Variants in KIAA1958 observed in about 807,000 individuals in gnomAD.
KIAA1958 encodes the protein KIAA1958, also known as uncharacterized protein KIAA1958.
Under a neutral mutation model 47.2 loss-of-function variants are expected in KIAA1958, and 14 were observed. The observed-to-expected ratio is 0.30, with a 90% CI of 0.20 to 0.46. The LOEUF is 0.46. Ranked by LOEUF, KIAA1958 falls within the 20% of genes least tolerant of loss-of-function variation. The pLI is 1.00. For missense variants in KIAA1958, 803 were observed against 909.2 expected (o/e 0.88, Z 1.50); for synonymous variants, 354 against 353.3 (o/e 1.00, Z -0.02).
In KIAA1958 at chr9:112,574,323, C is replaced by A. The variant is rs1288105929; in HGVS notation, c.243C>A (p.Asn81Lys). ...GTTTCCAGGATAACAGAAGTTTTAA[C>A]TCTGATAGTCCCAGTATAATCGGGG... is the stretch of plus-strand genomic sequence containing the variant. ...RVCFQDNRSF[N>K]SDSPSIIGVP... The change falls in exon 2 of 4, where the codon AAC becomes AAA. Residue 81 changes from asparagine to lysine, a missense_variant. By Grantham distance (94) the Asn-to-Lys change is moderately conservative. Transcript: ENST00000337530. The A allele has an allele frequency of 6.2e-7, 1 of 1,614,166 alleles. No homozygotes were observed. Among genetic ancestry groups the A allele is most frequent in the Non-Finnish European group, 8.5e-7 (1 of 1,180,022 alleles).
At chr9:112,558,181 C>T (rs1369141058) in intron 1 of KIAA1958, among the ~76,000 whole-genome samples, 1 of 151,752 alleles carries the variant, frequency 6.6e-6, no homozygotes, top group East Asian at 1.9e-4. Flanking sequence ...ACCGAGATCG[C>T]GCCACTGCAC....
chr9:112,658,579 A>G (rs1242623081), intron 3 of KIAA1958, among the ~76,000 whole-genome samples: 1 of 152,154 alleles, frequency 6.6e-6, no homozygotes, highest in Non-Finnish European at 1.5e-5. Flanking sequence ...GTTCACTACT[A>G]TTTACACACC....
intron 1 of KIAA1958, among the ~76,000 whole-genome samples, chr9:112,536,654 A>G (rs981083225): frequency 6.6e-6 from 1 of 152,148 alleles, no homozygotes; most frequent in Non-Finnish European, 1.5e-5. Context: ...GTGGTGGTGC[A>G]TGTCTGTAGT....
chr9:112,592,790 T>C (rs1364857509), intron 2 of KIAA1958, among the ~76,000 whole-genome samples: 5 of 152,198 alleles, frequency 3.3e-5, no homozygotes, highest in Non-Finnish European at 7.3e-5. Context: ...TAATTGGATC[T>C]GAGTAGCAGC....
At chr9:112,523,650 G>A (rs1204358603) in intron 1 of KIAA1958, among the ~76,000 whole-genome samples, 1 of 152,134 alleles carries the variant, frequency 6.6e-6, no homozygotes, top group East Asian at 1.9e-4. Context: ...CTTCATGGGT[G>A]GATAGACACT....
intron 2 of KIAA1958, among the ~76,000 whole-genome samples, chr9:112,596,932 AT>A (rs1347163050): frequency 4.6e-5 from 7 of 152,204 alleles, no homozygotes; most frequent in Non-Finnish European, 8.8e-5. Context: ...AGATATGTAA[AT>A]TGAGTAAATT....
chr9:112,604,302 G>C (rs1274032876), intron 2 of KIAA1958, among the ~76,000 whole-genome samples: 1 of 152,190 alleles, frequency 6.6e-6, no homozygotes, highest in Admixed American at 6.5e-5. Flanking sequence ...TCCTGAGCCA[G>C]TGCTGAGGCT....
At chr9:112,638,074 A>G (rs1836834991) in intron 2 of KIAA1958, among the ~76,000 whole-genome samples, 1 of 152,140 alleles carries the variant, frequency 6.6e-6, no homozygotes, top group South Asian at 2.1e-4. Context: ...GCTTGAACCC[A>G]AGAGGCAAAG....
rs76801105 is a variant in KIAA1958 at position 112,604,446 on chromosome 9, A to C, written c.1171+29195A>C. 1.8e-3 allele frequency among the ~76,000 whole-genome samples: 271 copies of C among 152,270 alleles called. 2 individuals carry two copies. Among genetic ancestry groups the C allele is most frequent in the African/African-American group, 6.0e-3 (250 of 41,564 alleles). On this transcript the variant is annotated intron_variant, in intron 2 of 3. Coordinates refer to ENST00000337530, the MANE Select transcript of KIAA1958 (RefSeq NM_133465.4). ...TTGTGGGATGGCTTCTCCTTTAGAGAAGCTTTGAGTAAATTTAAGTGGTAC... is the reference window on the plus strand; with the variant it reads ...TTGTGGGATGGCTTCTCCTTTAGAGCAGCTTTGAGTAAATTTAAGTGGTAC...
intron 1 of KIAA1958, among the ~76,000 whole-genome samples, chr9:112,526,331 G>A (rs1424849637): frequency 2.0e-5 from 3 of 151,900 alleles, no homozygotes; most frequent in Non-Finnish European, 4.4e-5. Context: ...TCGGCACACT[G>A]CACTCTCCAC....
At chr9:112,562,960 C>T (rs145634603) in intron 1 of KIAA1958, among the ~76,000 whole-genome samples, 1 of 150,648 alleles carries the variant, frequency 6.6e-6, no homozygotes, top group Admixed American at 6.6e-5. Flanking sequence ...GCCACCTAGC[C>T]TTTATGAATG....
intron 2 of KIAA1958, chr9:112,617,784 T>G (rs1412705215): frequency 5.6e-6 from 6 of 1,063,380 alleles, no homozygotes; most frequent in Non-Finnish European, 6.7e-6. Context: ...CTTGTCATTA[T>G]AAAAGGAAAC....
chr9:112,491,535 A>AT (rs1450129966), intron 1 of KIAA1958, among the ~76,000 whole-genome samples: 1 of 151,562 alleles, frequency 6.6e-6, no homozygotes, highest in African/African-American at 2.4e-5. Flanking sequence ...ATGGCTAGTA[A>AT]TTATTAGCTG....
chr9:112,615,147 C>T (rs1836389067), intron 2 of KIAA1958, among the ~76,000 whole-genome samples: 1 of 152,102 alleles, frequency 6.6e-6, no homozygotes, highest in African/African-American at 2.4e-5. Flanking sequence ...GGAGGCCGGG[C>T]ATGGTGGCTC....
chr9:112,629,583 C>T (rs760698918), intron 2 of KIAA1958, among the ~76,000 whole-genome samples: 4 of 152,148 alleles, frequency 2.6e-5, no homozygotes, highest in Non-Finnish European at 5.9e-5. Flanking sequence ...GTACTCTCAT[C>T]TTTATTTTGC....
At chr9:112,542,099 T>TA (rs1834954453) in intron 1 of KIAA1958, among the ~76,000 whole-genome samples, 1 of 152,250 alleles carries the variant, frequency 6.6e-6, no homozygotes, top group Non-Finnish European at 1.5e-5. Flanking sequence ...AGTGTACTCT[T>TA]AATAAATCTA....
intron 3 of KIAA1958, among the ~76,000 whole-genome samples, chr9:112,654,034 A>C (rs1302340132): frequency 6.6e-6 from 1 of 152,154 alleles, no homozygotes; most frequent in Non-Finnish European, 1.5e-5. Flanking sequence ...AAGGGGTGGG[A>C]AAATGGATTC....
intron 2 of KIAA1958, among the ~76,000 whole-genome samples, chr9:112,592,841 C>T (rs1392893209): frequency 6.6e-6 from 1 of 152,120 alleles, no homozygotes; most frequent in African/African-American, 2.4e-5. Flanking sequence ...GGTAATGGGA[C>T]AACGGAATAC....
At chr9:112,630,144 T>C (rs560055885) in intron 2 of KIAA1958, among the ~76,000 whole-genome samples, 1 of 152,274 alleles carries the variant, frequency 6.6e-6, no homozygotes, top group South Asian at 2.1e-4. Context: ...ACACAGATCA[T>C]AGGGTAGCAA....
Sources: gnomAD v4.1 joint callset for allele counts (sites outside exome capture counted in the v4.1 genomes callset) on GRCh38, gnomAD v4.1.1 for gene constraint, MANE v1.5 for transcripts, NCBI Gene and HGNC (gene_info 2026-07-23, HGNC 2026-07-21) for gene names.